RPS6KC1: variants seen among roughly 807,000 people sequenced by gnomAD.
RPS6KC1 encodes ribosomal protein S6 kinase C1.
A neutral mutation model predicts 103.8 loss-of-function variants in RPS6KC1; 54 were observed. The ratio of observed to expected loss-of-function variants is 0.52; its 90% CI spans 0.42 to 0.65. RPS6KC1 has a LOEUF of 0.65. Among genes scored for constraint, RPS6KC1 ranks in the 30% least tolerant of loss-of-function variants. The pLI is 0.00. For synonymous variants in RPS6KC1, 439 were observed against 438.7 expected (o/e 1.00, Z -0.01); for missense variants, 1,151 against 1,253.8 (o/e 0.92, Z 1.24).
intron 6 of RPS6KC1, among the ~76,000 whole-genome samples, chr1:213,156,076 A>G (rs2089855304): frequency 6.6e-6 from 1 of 152,210 alleles, no homozygotes; most frequent in African/African-American, 2.4e-5. Context: ...AGGAATTGAC[A>G]GAGATGTTAG....
the RPS6KC1 span, among the ~76,000 whole-genome samples, chr1:213,599,742 A>G: frequency 1.3e-5 from 2 of 152,178 alleles, no homozygotes; most frequent in African/African-American, 4.8e-5. Context: ...TGTGGATTCG[A>G]AGGGCATGGT....
chr1:213,400,768 G>A, the RPS6KC1 span, among the ~76,000 whole-genome samples: 1 of 151,124 alleles, frequency 6.6e-6, no homozygotes, highest in Non-Finnish European at 1.5e-5. Flanking sequence ...GTGCAGTGGC[G>A]CGATCTCGGC....
chr1:213,707,711 T>G, the RPS6KC1 span, among the ~76,000 whole-genome samples: 2 of 152,350 alleles, frequency 1.3e-5, no homozygotes, highest in African/African-American at 4.8e-5. Flanking sequence ...CTTGAGTTAA[T>G]TTTTGTATAA....
the RPS6KC1 span, among the ~76,000 whole-genome samples, chr1:213,338,134 A>G: frequency 3.9e-3 from 599 of 152,280 alleles, 1 homozygote; most frequent in African/African-American, 0.014. Flanking sequence ...ATGTTAAATA[A>G]ATAATTATGA....
chr1:213,060,063 C>A (rs562599162), intron 1 of RPS6KC1, among the ~76,000 whole-genome samples: 1 of 152,292 alleles, frequency 6.6e-6, no homozygotes, highest in East Asian at 1.9e-4. Flanking sequence ...GGTGATCCGC[C>A]CACCTCAGCC....
the RPS6KC1 span, among the ~76,000 whole-genome samples, chr1:213,315,509 A>G: frequency 1.3e-5 from 2 of 152,376 alleles, no homozygotes; most frequent in East Asian, 3.9e-4. Context: ...CACAAGAAGC[A>G]TTATTTGTTT....
the RPS6KC1 span, among the ~76,000 whole-genome samples, chr1:213,418,331 A>C: frequency 3.3e-5 from 5 of 152,090 alleles, no homozygotes; most frequent in Admixed American, 6.5e-5. Context: ...TAGTATTTTA[A>C]TTATTGATGA....
At chr1:213,681,854 G>T in the RPS6KC1 span, among the ~76,000 whole-genome samples, 1 of 152,148 alleles carries the variant, frequency 6.6e-6, no homozygotes, top group Non-Finnish European at 1.5e-5. Context: ...TGAGCATTAA[G>T]ATTTAGAGTG....
intron 14 of RPS6KC1, among the ~76,000 whole-genome samples, chr1:213,265,280 G>A (rs746083575): frequency 6.6e-6 from 1 of 152,096 alleles, no homozygotes; most frequent in Non-Finnish European, 1.5e-5. Context: ...TTATACTTTT[G>A]CCTATAGATT....
At chr1:213,609,518 A>G in the RPS6KC1 span, among the ~76,000 whole-genome samples, 2 of 152,058 alleles carry the variant, frequency 1.3e-5, no homozygotes, top group Non-Finnish European at 2.9e-5. Context: ...CCAACAGCAC[A>G]ATCACCCTCA....
chr1:213,196,204 G>GT lies in RPS6KC1; in HGVS notation c.1044+19716dup, dbSNP rs199543947. 7.0e-3 allele frequency among the ~76,000 whole-genome samples: 1,069 copies of GT among 152,032 alleles called. 14 individuals are homozygous for GT. Among genetic ancestry groups the GT allele is most frequent in the African/African-American group, 0.024 (1,013 of 41,484 alleles). ...AGGAGTAAGGTGGTATTGCATTGTG[G>GT]TTTTCATTTGCATTTCCCTGATAAT... On this transcript the variant is annotated intron_variant, in intron 8 of 14. Transcript: ENST00000366960.
At chr1:213,761,934 G>T in the RPS6KC1 span, among the ~76,000 whole-genome samples, 1 of 139,800 alleles carries the variant, frequency 7.2e-6, no homozygotes, top group African/African-American at 2.7e-5. Context: ...TTTCTATTCA[G>T]ATATATCTAG....
chr1:213,815,285 G>A, the RPS6KC1 span, among the ~76,000 whole-genome samples: 1 of 152,072 alleles, frequency 6.6e-6, no homozygotes. Flanking sequence ...CTCTTTCCCA[G>A]TTTCTTCGAT....
At chr1:213,756,018 G>T in the RPS6KC1 span, among the ~76,000 whole-genome samples, 2,535 of 152,178 alleles carry the variant, frequency 0.017, 36 homozygotes, top group South Asian at 0.065. Context: ...AATCACCACC[G>T]CTGGGCTTAC....
At chr1:213,309,406 C>T in the RPS6KC1 span, among the ~76,000 whole-genome samples, 3 of 152,196 alleles carry the variant, frequency 2.0e-5, no homozygotes, top group Non-Finnish European at 2.9e-5. Context: ...GCCCTAAGAA[C>T]ACTGATGTAA....
chr1:213,314,648 C>G, the RPS6KC1 span, among the ~76,000 whole-genome samples: 1 of 149,398 alleles, frequency 6.7e-6, no homozygotes, highest in Non-Finnish European at 1.5e-5. Flanking sequence ...CTTTTTGGAC[C>G]ACGGTGGCTT....
the RPS6KC1 span, among the ~76,000 whole-genome samples, chr1:213,507,216 G>A: frequency 6.6e-6 from 1 of 152,140 alleles, no homozygotes; most frequent in South Asian, 2.1e-4. Flanking sequence ...CCACATTTGA[G>A]GACTCGAGTG....
At chr1:213,208,675 G>A (rs911028034) in intron 8 of RPS6KC1, among the ~76,000 whole-genome samples, 3 of 152,068 alleles carry the variant, frequency 2.0e-5, no homozygotes, top group African/African-American at 7.2e-5. Context: ...CCCAGTGGTG[G>A]AAGCAGGAAT....
chr1:213,602,011 C>CTTTCT, the RPS6KC1 span, among the ~76,000 whole-genome samples: 3 of 14,080 alleles, frequency 2.1e-4, 1 homozygote, highest in Non-Finnish European at 5.8e-4. Context: ...CTTTTCTTTT[C>CTTTCT]TTTTCTTTCT....
Sources: allele counts gnomAD v4.1 joint callset (sites outside exome capture counted in the v4.1 genomes callset), GRCh38; gene constraint gnomAD v4.1.1; transcripts MANE v1.5; gene names NCBI Gene and HGNC (gene_info 2026-07-23, HGNC 2026-07-21).